SEMA5A: variants seen among roughly 807,000 people sequenced by gnomAD.
The protein encoded by SEMA5A is semaphorin-5A.
A neutral mutation model predicts 135.5 loss-of-function variants in SEMA5A; 55 were observed. The observed-to-expected ratio is 0.41, with a 90% CI of 0.33 to 0.51. The LOEUF (loss-of-function observed/expected upper bound fraction) is 0.51. Among genes scored for constraint, SEMA5A ranks in the 20% least tolerant of loss-of-function variants. The pLI is 0.37. For missense variants in SEMA5A, 1,290 were observed against 1,419.9 expected, an observed-to-expected ratio of 0.91 and a Z score of 1.47; for synonymous variants, 580 against 546.5, an observed-to-expected ratio of 1.06 and a Z score of -0.85.
At chr5:9,176,121 A>G (rs1446532939) in intron 11 of SEMA5A, among the ~76,000 whole-genome samples, 3 of 152,228 alleles carry the variant, frequency 2.0e-5, no homozygotes, top group East Asian at 3.8e-4. Context: ...TTTCAAGTTA[A>G]TCAAAAGCTG....
At chr5:9,287,639 A>G (rs928081336) in intron 5 of SEMA5A, among the ~76,000 whole-genome samples, 1 of 152,202 alleles carries the variant, frequency 6.6e-6, no homozygotes, top group Non-Finnish European at 1.5e-5. Flanking sequence ...AGCAGGCCAA[A>G]TCAGGCCTAC....
Position 9,320,617 on chromosome 5 carries a change from C to T in SEMA5A, c.225-2200G>A, listed in dbSNP as rs560807016. Among the ~76,000 whole-genome samples the T allele has an allele frequency of 3.3e-4, 50 of 152,282 alleles. No homozygotes were observed. In the South Asian group the frequency reaches 9.3e-3, roughly 28 times the overall value. On this transcript the variant is annotated intron_variant, in intron 4 of 22. Coordinates refer to ENST00000382496, the MANE Select transcript of SEMA5A (RefSeq NM_003966.3). Reference sequence around the variant, plus strand: ...CTTGGAGTCCCAGCTACTCAGGAGGCTGAAGTGGGAGGATCCATTGAGCCT... The same window carrying T: ...CTTGGAGTCCCAGCTACTCAGGAGGTTGAAGTGGGAGGATCCATTGAGCCT...
intron 1 of SEMA5A, among the ~76,000 whole-genome samples, chr5:9,444,082 AG>A (rs1261056277): frequency 1.3e-5 from 2 of 152,224 alleles, no homozygotes; most frequent in Non-Finnish European, 2.9e-5. Flanking sequence ...CATTCAAGAC[AG>A]GGTCAGGACT....
chr5:9,508,003 CA>C (rs767047665), intron 1 of SEMA5A, among the ~76,000 whole-genome samples: 30 of 26,340 alleles, frequency 1.1e-3, no homozygotes, highest in Admixed American at 7.6e-3. Flanking sequence ...GACTCTGTCT[CA>C]AAAAAAAAAA....
intron 13 of SEMA5A, among the ~76,000 whole-genome samples, chr5:9,135,798 A>G (rs1410055238): frequency 6.6e-6 from 1 of 152,210 alleles, no homozygotes; most frequent in Admixed American, 6.5e-5. Flanking sequence ...ATTCAATGAA[A>G]TGTTCTAAAG....
At chr5:9,496,087 C>T (rs886950342) in intron 1 of SEMA5A, among the ~76,000 whole-genome samples, 3 of 152,188 alleles carry the variant, frequency 2.0e-5, no homozygotes, top group Non-Finnish European at 2.9e-5. Flanking sequence ...GTCTGTCACC[C>T]AGGATGGAGT....
intron 2 of SEMA5A, among the ~76,000 whole-genome samples, chr5:9,396,580 G>A (rs1277397058): frequency 6.6e-6 from 1 of 152,024 alleles, no homozygotes; most frequent in African/African-American, 2.4e-5. Flanking sequence ...ATGTGCTAAT[G>A]TTCCCCCTAC....
chr5:9,370,372 A>C (rs527999666), intron 3 of SEMA5A, among the ~76,000 whole-genome samples: 1 of 152,294 alleles, frequency 6.6e-6, no homozygotes, highest in Admixed American at 6.5e-5. Context: ...CCGACTTTTT[A>C]CACTGGGGAT....
At chr5:9,230,630 A>C (rs1579669208) in intron 6 of SEMA5A, among the ~76,000 whole-genome samples, 1 of 152,290 alleles carries the variant, frequency 6.6e-6, no homozygotes, top group East Asian at 1.9e-4. Context: ...GTGGAAAAAA[A>C]GGAGGAAGAT....
chr5:9,113,942 T>C (rs1290273302), intron 15 of SEMA5A, among the ~76,000 whole-genome samples: 1 of 152,234 alleles, frequency 6.6e-6, no homozygotes, highest in African/African-American at 2.4e-5. Flanking sequence ...ATTTCACTCC[T>C]AGATATACAG....
At chr5:9,353,837 C>T (rs1056849007) in intron 3 of SEMA5A, among the ~76,000 whole-genome samples, 3 of 152,232 alleles carry the variant, frequency 2.0e-5, no homozygotes, top group Middle Eastern at 3.4e-3. Flanking sequence ...TTCTGGAATT[C>T]CTAGCACAGC....
At chr5:9,153,178 G>A (rs1042556205) in intron 12 of SEMA5A, among the ~76,000 whole-genome samples, 1 of 152,060 alleles carries the variant, frequency 6.6e-6, no homozygotes, top group Non-Finnish European at 1.5e-5. Flanking sequence ...CCTGTGTAGG[G>A]TAGATGTCTG....
At chr5:9,059,130 T>C in intron 18 of SEMA5A, among the ~76,000 whole-genome samples, 1 of 152,122 alleles carries the variant, frequency 6.6e-6, no homozygotes, top group East Asian at 1.9e-4. Context: ...ATGAAAAGAG[T>C]TTGTGTTTAC....
intron 1 of SEMA5A, among the ~76,000 whole-genome samples, chr5:9,483,583 T>C (rs1759963007): frequency 6.6e-6 from 1 of 152,096 alleles, no homozygotes; most frequent in African/African-American, 2.4e-5. Flanking sequence ...AAAAAGAACA[T>C]ACAGACGTGG....
intron 11 of SEMA5A, among the ~76,000 whole-genome samples, chr5:9,165,862 T>C (rs1450063488): frequency 6.6e-6 from 1 of 152,222 alleles, no homozygotes; most frequent in Non-Finnish European, 1.5e-5. Context: ...ACAGCTAATA[T>C]GTTAAGGAAA....
At chr5:9,449,707 C>G (rs528503314) in intron 1 of SEMA5A, among the ~76,000 whole-genome samples, 1 of 152,242 alleles carries the variant, frequency 6.6e-6, no homozygotes, top group Non-Finnish European at 1.5e-5. Context: ...CCCAAAAATG[C>G]AGGGGAAATT....
intron 2 of SEMA5A, among the ~76,000 whole-genome samples, chr5:9,421,334 C>A (rs1011794667): frequency 1.3e-5 from 2 of 152,146 alleles, no homozygotes; most frequent in South Asian, 2.1e-4. Flanking sequence ...GACATTCTTA[C>A]AACATAACTG....
At chr5:9,337,900 G>A (rs1365168422) in intron 3 of SEMA5A, 88 bp from the exon 4 acceptor site, 14 of 882,298 alleles carry the variant, frequency 1.6e-5, no homozygotes, top group East Asian at 5.5e-5. Context: ...GGTAGCAGAC[G>A]TTACATTTCA....
intron 3 of SEMA5A, among the ~76,000 whole-genome samples, chr5:9,347,718 T>A (rs1753938597): frequency 6.6e-6 from 1 of 152,204 alleles, no homozygotes; most frequent in Non-Finnish European, 1.5e-5. Context: ...TGATCAAGGC[T>A]GCTGGGGCAG....
Sources: gnomAD v4.1 joint callset for allele counts (sites outside exome capture counted in the v4.1 genomes callset) on GRCh38, gnomAD v4.1.1 for gene constraint, MANE v1.5 for transcripts, NCBI Gene and HGNC (gene_info 2026-07-23, HGNC 2026-07-21) for gene names.